Variants in LCORL observed in about 807,000 individuals in gnomAD.
The protein encoded by LCORL is ligand dependent nuclear receptor corepressor like.
In LCORL, 41 loss-of-function variants were observed where a neutral mutation model predicts 141.8. The ratio of observed to expected loss-of-function variants is 0.29; its 90% CI spans 0.23 to 0.38. LCORL has a LOEUF of 0.38. Among genes scored for constraint, LCORL ranks in the 10% least tolerant of loss-of-function variants. The pLI is 1.00. For missense variants in LCORL, 1,759 were observed against 2,035.0 expected, an observed-to-expected ratio of 0.86 and a Z score of 2.61; for synonymous variants, 618 against 694.1, an observed-to-expected ratio of 0.89 and a Z score of 1.72.
At chr4:17,941,232 T>A (rs1220947040) in intron 4 of LCORL, among the ~76,000 whole-genome samples, 4 of 152,040 alleles carry the variant, frequency 2.6e-5, no homozygotes, top group Admixed American at 2.6e-4. Flanking sequence ...AAAAATGAGC[T>A]GGGCATGGTG....
intron 2 of LCORL, among the ~76,000 whole-genome samples, chr4:17,971,898 CTTAG>C (rs1466997007): frequency 6.6e-6 from 1 of 151,140 alleles, no homozygotes; most frequent in Non-Finnish European, 1.5e-5. Flanking sequence ...TAAGTTACTA[CTTAG>C]TAATATCCCT....
chr4:17,904,611 T>C (rs1424288592), intron 5 of LCORL, among the ~76,000 whole-genome samples: 1 of 152,102 alleles, frequency 6.6e-6, no homozygotes, highest in East Asian at 1.9e-4. Flanking sequence ...ATCCCCCTTT[T>C]GGGTAATCAA....
At chr4:17,849,281 G>A (rs201641206) in intron 7 of LCORL, among the ~76,000 whole-genome samples, 130 of 152,150 alleles carry the variant, frequency 8.5e-4, no homozygotes, top group Admixed American at 2.0e-3. Flanking sequence ...CCCCCCAGTT[G>A]GGGCAGACTG....
intron 1 of LCORL, among the ~76,000 whole-genome samples, chr4:17,991,384 TA>T (rs1223964967): frequency 6.6e-6 from 1 of 152,224 alleles, no homozygotes; most frequent in African/African-American, 2.4e-5. Context: ...ATGTTTACCA[TA>T]CCTATTTGTG....
intron 5 of LCORL, among the ~76,000 whole-genome samples, chr4:17,887,277 G>A (rs979014817): frequency 2.0e-5 from 3 of 151,982 alleles, no homozygotes; most frequent in African/African-American, 4.8e-5. Flanking sequence ...TAGTGCTTAG[G>A]ATCTAATGAG....
chr4:17,946,713 C>A (rs1279878007), intron 4 of LCORL, among the ~76,000 whole-genome samples: 2 of 151,890 alleles, frequency 1.3e-5, no homozygotes. Context: ...CCTTAAATAG[C>A]CCATAAGTGC....
At chr4:17,883,803 T>C (rs1727925585) in intron 6 of LCORL, 1 of 1,550,574 alleles carries the variant, frequency 6.4e-7, no homozygotes. Flanking sequence ...AATCGTAGTT[T>C]CTTCTTCGGA....
At chr4:17,907,104 C>G (rs531145866) in intron 5 of LCORL, among the ~76,000 whole-genome samples, 1 of 152,280 alleles carries the variant, frequency 6.6e-6, no homozygotes, top group African/African-American at 2.4e-5. Flanking sequence ...TTATCTAGAC[C>G]TGAAATCTGT....
chr4:17,976,479 C>T (rs1430686489), intron 1 of LCORL, among the ~76,000 whole-genome samples: 1 of 151,954 alleles, frequency 6.6e-6, no homozygotes, highest in African/African-American at 2.4e-5. Context: ...AGCTTTTCAC[C>T]ATCTACTTTA....
chr4:17,971,897 A>G (rs993458761), intron 2 of LCORL, among the ~76,000 whole-genome samples: 17 of 151,698 alleles, frequency 1.1e-4, no homozygotes, highest in Non-Finnish European at 3.0e-5. Context: ...TTAAGTTACT[A>G]CTTAGTAATA....
At position 17,891,326 on chromosome 4, in the gene LCORL, T is replaced by C. The variant is rs377699692; in HGVS notation, c.683-5165A>G. Among the ~76,000 whole-genome samples, 29 of 152,136 alleles carry C rather than the reference T, an allele frequency of 1.9e-4. 1 individual carries two copies. The South Asian group carries it at 3.1e-3, about 16-fold the overall frequency. ...GAGTTTAAGTCCAGACTGGGCAACA[T>C]AGTAAGACTCCTGTCTCTTAAAAAA... is the stretch of plus-strand genomic sequence containing the variant. On this transcript the variant is annotated intron_variant, in intron 5 of 7. Transcript: ENST00000635767.
intron 4 of LCORL, among the ~76,000 whole-genome samples, chr4:17,929,390 C>A (rs1479794100): frequency 1.3e-5 from 2 of 151,994 alleles, no homozygotes; most frequent in Non-Finnish European, 2.9e-5. Context: ...ACTATAAATA[C>A]AATAGTCAAG....
chr4:18,017,445 T>C (rs964109192), intron 1 of LCORL, among the ~76,000 whole-genome samples: 7 of 152,098 alleles, frequency 4.6e-5, no homozygotes, highest in Non-Finnish European at 8.8e-5. Context: ...TTAACAAAAT[T>C]TTCAAAGCTA....
At chr4:17,913,859 T>C (rs1283044506) in intron 4 of LCORL, among the ~76,000 whole-genome samples, 1 of 152,270 alleles carries the variant, frequency 6.6e-6, no homozygotes, top group African/African-American at 2.4e-5. Context: ...TTCCCAGTTC[T>C]TTCCAGTATG....
chr4:17,944,071 GT>G (rs1560381888), intron 4 of LCORL, among the ~76,000 whole-genome samples: 1 of 152,156 alleles, frequency 6.6e-6, no homozygotes, highest in Non-Finnish European at 1.5e-5. Context: ...ACTGTCCATA[GT>G]TTTTTGCCTA....
chr4:17,845,290 C>A (rs1463452884), exon 8 of LCORL: 1 of 154,290 alleles, frequency 6.5e-6, no homozygotes, highest in Non-Finnish European at 1.4e-5. Context: ...CTAAGAGATA[C>A]CTTTGCCTTT....
chr4:17,936,887 C>G (rs1390140512), intron 4 of LCORL, among the ~76,000 whole-genome samples: 1 of 152,090 alleles, frequency 6.6e-6, no homozygotes, highest in Non-Finnish European at 1.5e-5. Flanking sequence ...GCAGGAAGTT[C>G]CTAATCACCA....
chr4:17,919,575 GTT>G (rs1733977212), intron 4 of LCORL, among the ~76,000 whole-genome samples: 1 of 152,144 alleles, frequency 6.6e-6, no homozygotes. Flanking sequence ...TAAAAGTTAT[GTT>G]TACACTATAG....
At chr4:17,851,966 TG>T (rs1324277932) in intron 7 of LCORL, among the ~76,000 whole-genome samples, 1 of 152,214 alleles carries the variant, frequency 6.6e-6, no homozygotes, top group Non-Finnish European at 1.5e-5. Context: ...TCCCTTTTTA[TG>T]TGTTCTTTGC....
Sources: gnomAD v4.1 joint callset for allele counts (sites outside exome capture counted in the v4.1 genomes callset) on GRCh38, gnomAD v4.1.1 for gene constraint, MANE v1.5 for transcripts, NCBI Gene and HGNC (gene_info 2026-07-23, HGNC 2026-07-21) for gene names.